The following CMIP variants were observed in gnomAD, a reference collection of about 807,000 sequenced individuals.
The protein encoded by CMIP is C-Maf-inducing protein.
Under a neutral mutation model 97.3 loss-of-function variants are expected in CMIP, and 13 were observed. That is an observed-to-expected ratio of 0.13 (90% CI 0.09 to 0.21). CMIP has a LOEUF of 0.21. CMIP is among the 10% of genes least tolerant of loss of function. CMIP has a pLI of 1.00. For synonymous variants in CMIP, 538 were observed against 436.3 expected (o/e 1.23, Z -2.91); for missense variants, 847 against 1,024.9 (o/e 0.83, Z 2.37).
intron 1 of CMIP, among the ~76,000 whole-genome samples, chr16:81,595,110 A>G (rs2091532486): frequency 6.6e-6 from 1 of 151,416 alleles, no homozygotes; most frequent in Non-Finnish European, 1.5e-5. Flanking sequence ...GGTAACTGAA[A>G]CCTCTGAAAG....
At chr16:81,588,616 G>A (rs896298940) in intron 1 of CMIP, among the ~76,000 whole-genome samples, 3 of 152,028 alleles carry the variant, frequency 2.0e-5, no homozygotes, top group Admixed American at 6.6e-5. Flanking sequence ...CAACATCCTC[G>A]TTCTCTGTTA....
At chr16:81,578,943 G>C (rs972702385) in intron 1 of CMIP, among the ~76,000 whole-genome samples, 1 of 152,266 alleles carries the variant, frequency 6.6e-6, no homozygotes, top group Non-Finnish European at 1.5e-5. Context: ...TGGCCAGTGG[G>C]AGACAGCAGA....
intron 3 of CMIP, among the ~76,000 whole-genome samples, chr16:81,634,675 G>A (rs1293741729): frequency 6.6e-6 from 1 of 152,168 alleles, no homozygotes; most frequent in East Asian, 1.9e-4. Flanking sequence ...GCATTACCTG[G>A]CTTGAAACTC....
intron 1 of CMIP, among the ~76,000 whole-genome samples, chr16:81,486,985 G>A (rs972962684): frequency 8.5e-5 from 13 of 152,394 alleles, no homozygotes; most frequent in African/African-American, 2.4e-4. Context: ...GTTGAGCGCC[G>A]TGAGGGAAGC....
Position 81,500,301 on chromosome 16 carries a change from T to TCCTGCCTCCCTCCCTC in CMIP, c.300+54773_300+54788dup, listed in dbSNP as rs2089578952. Among the ~76,000 whole-genome samples, 307 of 133,458 alleles carry TCCTGCCTCCCTCCCTC rather than the reference T, an allele frequency of 2.3e-3. 6 individuals carry two copies. The highest frequency in any genetic ancestry group is 9.2e-3 in the African/African-American group (290 of 31,662). The allele number at this position is 133,458 out of a possible 152,430, so 87.6% of individuals were successfully genotyped here. ...TTCCTTCCTTCCTTCCTTCCTTCCT[T>TCCTGCCTCCCTCCCTC]CCTGCCTCCCTCCCTCCCTGCCTCC... On this transcript the variant is annotated intron_variant, in intron 1 of 20. Transcript: ENST00000537098.
intron 10 of CMIP, among the ~76,000 whole-genome samples, chr16:81,681,593 C>T (rs1017940506): frequency 6.6e-6 from 1 of 152,166 alleles, no homozygotes; most frequent in Non-Finnish European, 1.5e-5. Context: ...GAGTAGCCGC[C>T]GTTTATGATG....
At chr16:81,506,332 A>G (rs1046829672) in intron 1 of CMIP, among the ~76,000 whole-genome samples, 2 of 152,134 alleles carry the variant, frequency 1.3e-5, no homozygotes, top group African/African-American at 2.4e-5. Context: ...GCCCCCAGAG[A>G]AGTTTTCTGA....
intron 1 of CMIP, chr16:81,495,570 C>G (rs1365576756): frequency 2.7e-6 from 4 of 1,490,778 alleles, no homozygotes; most frequent in Non-Finnish European, 3.7e-6. Context: ...CTGCTGGCCA[C>G]AGGCCAGTGA....
chr16:81,702,791 C>T lies in CMIP; in HGVS notation c.1944+122C>T. ...GTGATGGAGGGCGGGGCACAAGGACCCCCTAGTACTTAACACGCCAGCTCT... is the reference window on the plus strand; with the variant it reads ...GTGATGGAGGGCGGGGCACAAGGACTCCCTAGTACTTAACACGCCAGCTCT... On this transcript the variant is annotated intron_variant, in intron 17 of 20. Transcript: ENST00000537098. The T allele has an allele frequency of 2.2e-5, 18 of 828,092 alleles. No individual in the cohort carries two copies. In the South Asian group the frequency reaches 2.5e-4, roughly 11 times the overall value. The allele number at this position is 828,092 out of a possible 1,614,324, so 51.3% of individuals were successfully genotyped here. A position where few individuals can be genotyped will look rare whatever the true frequency, so the allele number is the denominator to read the frequency against.
At chr16:81,612,592 C>T (rs2091849982) in intron 2 of CMIP, among the ~76,000 whole-genome samples, 1 of 152,204 alleles carries the variant, frequency 6.6e-6, no homozygotes, top group South Asian at 2.1e-4. Context: ...TCGCTCACAG[C>T]GCACCCTGGG....
intron 1 of CMIP, among the ~76,000 whole-genome samples, chr16:81,523,630 C>A (rs1397254638): frequency 3.9e-5 from 6 of 152,244 alleles, no homozygotes; most frequent in Admixed American, 3.3e-4. Context: ...CCCAGCCAAA[C>A]CCCCTTCCCG....
Position 81,526,566 on chromosome 16 carries a change from A to G in CMIP, c.301-81001A>G, listed in dbSNP as rs564850211. ...GAGGGGATCTGTTACTCCATTGGAA[A>G]TTTTAAGGGATATTTTGATAGCTGT... On this transcript the variant is annotated intron_variant, in intron 1 of 20. Transcript: ENST00000537098. Among the ~76,000 whole-genome samples, 103 of 152,310 alleles carry G rather than the reference A, an allele frequency of 6.8e-4. 2 individuals are homozygous for G. The South Asian group carries it at 0.019, about 28-fold the overall frequency.
chr16:81,469,014 C>G (rs1226391720), intron 1 of CMIP, among the ~76,000 whole-genome samples: 1 of 152,246 alleles, frequency 6.6e-6, no homozygotes, highest in Non-Finnish European at 1.5e-5. Context: ...CTTTCCTACT[C>G]CGCTTTGAGA....
At chr16:81,680,789 C>T (rs1427570631) in intron 10 of CMIP, among the ~76,000 whole-genome samples, 1 of 152,208 alleles carries the variant, frequency 6.6e-6, no homozygotes, top group Non-Finnish European at 1.5e-5. Flanking sequence ...GTAGAAGCCT[C>T]CAGGCCAGAG....
intron 1 of CMIP, among the ~76,000 whole-genome samples, chr16:81,571,701 G>T (rs2091092872): frequency 6.6e-6 from 1 of 152,112 alleles, no homozygotes; most frequent in South Asian, 2.1e-4. Context: ...CCCTTCCTTG[G>T]TGTGTGTAGG....
At chr16:81,446,497 T>A (rs976169852) in intron 1 of CMIP, among the ~76,000 whole-genome samples, 14 of 151,932 alleles carry the variant, frequency 9.2e-5, no homozygotes, top group African/African-American at 3.1e-4. Flanking sequence ...AAGGACAGTT[T>A]CAAATACCGG....
At chr16:81,684,610 C>T (rs1905199847) in intron 10 of CMIP, among the ~76,000 whole-genome samples, 1 of 152,222 alleles carries the variant, frequency 6.6e-6, no homozygotes, top group Non-Finnish European at 1.5e-5. Context: ...CCAACATGTC[C>T]CCCATTAGCT....
intron 7 of CMIP, chr16:81,665,221 C>T (rs2092590598): frequency 6.6e-6 from 1 of 152,058 alleles, no homozygotes; most frequent in Non-Finnish European, 1.5e-5. Flanking sequence ...TGTGTGGCCC[C>T]TTGGTGTTCC....
At chr16:81,681,471 G>T (rs1047078292) in intron 10 of CMIP, among the ~76,000 whole-genome samples, 2 of 152,226 alleles carry the variant, frequency 1.3e-5, no homozygotes, top group African/African-American at 4.8e-5. Flanking sequence ...TCCCAGGCTG[G>T]GAGGTGGCGC....
Sources: gnomAD v4.1 joint callset for allele counts (sites outside exome capture counted in the v4.1 genomes callset) on GRCh38, gnomAD v4.1.1 for gene constraint, MANE v1.5 for transcripts, NCBI Gene and HGNC (gene_info 2026-07-23, HGNC 2026-07-21) for gene names.